SIPA1: variants seen among roughly 807,000 people sequenced by gnomAD.
SIPA1 encodes signal-induced proliferation-associated 1, also known as signal-induced proliferation-associated protein 1.
Under a neutral mutation model 88.1 loss-of-function variants are expected in SIPA1, and 51 were observed. The observed-to-expected ratio is 0.58, with a 90% CI of 0.46 to 0.73. The LOEUF (loss-of-function observed/expected upper bound fraction) is 0.73. Among genes scored for constraint, SIPA1 ranks in the 30% least tolerant of loss-of-function variants. SIPA1 has a pLI of 0.00. For missense variants in SIPA1, 1,348 were observed against 1,467.6 expected, an observed-to-expected ratio of 0.92 and a Z score of 1.33; for synonymous variants, 681 against 664.8, an observed-to-expected ratio of 1.02 and a Z score of -0.37.
In SIPA1 at chr11:65,650,164, C is replaced by G. The variant is rs146247529; in HGVS notation, c.2875C>G (p.Pro959Ala). The G allele has an allele frequency of 6.2e-7, 1 of 1,613,936 alleles. No homozygotes were observed. The highest frequency in any genetic ancestry group is 1.3e-5 in the African/African-American group (1 of 74,872). Residue 959 changes from proline (P) to alanine (A), a missense_variant, in exon 14 of 16, where the codon CCT (proline) becomes GCT (alanine). Around this residue, in one of 4 missense-constraint regions of SIPA1, gnomAD observed 615 missense variants for 559.8 expected, o/e 1.10. Transcript: ENST00000534313. ...ACAGCCCATCCCAGAGAGTGGAGAC[C>G]CTAAGGGAACTCCAAAATCTGATGC... The part of the protein sequence containing the change: ...EGQPIPESGD[P>A]KGTPKSDAEP...
intron 10 of SIPA1, 30 bp from the exon 11 acceptor site, chr11:65,649,531 C>T (rs1341596067): frequency 6.2e-7 from 1 of 1,614,040 alleles, no homozygotes; most frequent in Non-Finnish European, 8.5e-7. Context: ...AAAGCGGCTT[C>T]CCTTTCTGAG....
Position 65,647,018 on chromosome 11 carries a change from G to T in SIPA1, c.1984G>T (p.Asp662Tyr), listed in dbSNP as rs1477030567. ...CGGGGAGGCGATCACGCTGCGCTTC[G>T]ACGGGTCCCCCGGCCAAGCCGTGGG... is the stretch of plus-strand genomic sequence containing the variant. ...GRGEAITLRF[D>Y]GSPGQAVGEV... The change falls in exon 8 of 16, where the codon GAC becomes TAC. Residue 662 changes from aspartate to tyrosine, a missense_variant. By Grantham distance (160) the Asp-to-Tyr change is radical. Transcript: ENST00000534313. The T allele has an allele frequency of 6.5e-7, 1 of 1,540,734 alleles. No individual in the cohort carries two copies. Among genetic ancestry groups the T allele is most frequent in the South Asian group, 1.2e-5 (1 of 84,178 alleles).
rs764730970 is a variant in SIPA1, at chr11:65,649,981, G to A, written c.2778G>A (p.Glu926=). 4.3e-6 allele frequency: 7 copies of A among 1,613,952 alleles called. No individual in the cohort carries two copies. The South Asian group carries it at 4.4e-5, about 10-fold the overall frequency. ...CGGAGGCGGGCAGTGGGACCCTGGAGGACGAGTGGCAGGCCATCTCGGAGA... is the reference window on the plus strand; with the variant it reads ...CGGAGGCGGGCAGTGGGACCCTGGAAGACGAGTGGCAGGCCATCTCGGAGA... ...IMSEAGSGTL[E]DEWQAISEIA... The change falls in exon 13 of 16, where the codon GAG becomes GAA. Residue 926 remains glutamate (E), a synonymous_variant. Coordinates refer to ENST00000534313, the MANE Select transcript of SIPA1 (RefSeq NM_006747.4).
chr11:65,649,593 A>C lies in SIPA1; in HGVS notation c.2558A>C (p.Asn853Thr), dbSNP rs753050344. 112 of 1,613,782 alleles carry C rather than the reference A, an allele frequency of 6.9e-5. No homozygotes were observed. Among genetic ancestry groups the C allele is most frequent in the Middle Eastern group, 1.6e-4 (1 of 6,084 alleles). Residue 853 changes from asparagine (N) to threonine (T), a missense_variant, in exon 11 of 16, where the codon AAC becomes ACC. This residue lies in a region of SIPA1 where 615 missense variants were observed against 559.8 expected (regional missense o/e 1.10). Coordinates refer to ENST00000534313, the MANE Select transcript of SIPA1 (RefSeq NM_006747.4). Reference protein sequence around the residue: ...SLSDEAPVLPNTTPDLLLATT... With the variant: ...SLSDEAPVLPTTTPDLLLATT... ...TCGGATGAGGCCCCAGTCCTGCCCA[A>C]CACCACCCCGGACCTCCTCCTGGCC...
Position 65,647,674 on chromosome 11 carries a change from A to G in SIPA1, c.2306+16A>G. 1.5e-6 allele frequency: 2 copies of G among 1,334,236 alleles called. No homozygotes were observed. The highest frequency in any genetic ancestry group is 1.7e-5 in the South Asian group (1 of 58,024). 82.6% of individuals were successfully genotyped at this position (1,334,236 alleles called of 1,614,324 possible). A position where few individuals can be genotyped will look rare whatever the true frequency, so the allele number is the denominator to read the frequency against. The stretch of plus-strand genomic sequence containing the variant: ...GGCCCCGCAGGTCAGGGTGCCGGGG[A>G]CGCGGGGAGGTGGGAGGGCCGGCAG... On this transcript the variant is annotated intron_variant, in intron 9 of 15. Transcript: ENST00000534313.
Position 65,641,525 on chromosome 11 carries a change from A to C in SIPA1, c.604A>C (p.Asn202His), listed in dbSNP as rs1292779351. 1 of 1,612,466 alleles carries C rather than the reference A, an allele frequency of 6.2e-7. No individual in the cohort carries two copies. The part of the protein sequence containing the change: ...AAVSILEEPQ[N>H]RTSAYSLEHA... The stretch of plus-strand genomic sequence containing the variant: ...CGTGTCCATCCTGGAGGAGCCACAG[A>C]ACCGAACCTCGGCCTACAGCCTGGA... The change falls in exon 2 of 16, where the codon AAC (asparagine) becomes CAC (histidine). Residue 202 changes from asparagine (N) to histidine (H), a missense_variant. Coordinates refer to ENST00000534313, the MANE Select transcript of SIPA1 (RefSeq NM_006747.4).
chr11:65,646,353 C>T lies in SIPA1; in HGVS notation c.1396C>T (p.Pro466Ser). 2 of 1,612,682 alleles carry T rather than the reference C, an allele frequency of 1.2e-6. No homozygotes were observed. Among genetic ancestry groups the T allele is most frequent in the Non-Finnish European group, 1.7e-6 (2 of 1,179,986 alleles). Residue 466 changes from proline (P) to serine (S), a missense_variant, in exon 7 of 16, where the codon CCC becomes TCC. Pro to Ser is a moderately conservative substitution (Grantham distance 74, BLOSUM62 -1). This residue lies in a region of SIPA1 where 641 missense variants were observed against 797.7 expected (regional missense o/e 0.80). Transcript: ENST00000534313. This position sits in a 1 kb window ranked among gnomAD's most constrained non-coding sequence, Gnocchi z 7.5. Reference sequence around the variant, plus strand: ...GTTCCTAGTGGTGCGGGCACACACACCCTGCACGCCACACACCACCTACAG... The same window carrying T: ...GTTCCTAGTGGTGCGGGCACACACATCCTGCACGCCACACACCACCTACAG... ...HVFLVVRAHT[P>S]CTPHTTYRVA...
At position 65,642,190 on chromosome 11, in the gene SIPA1, G is replaced by T; in HGVS notation, c.680-60G>T. 2 of 1,531,690 alleles carry T rather than the reference G, an allele frequency of 1.3e-6. No homozygotes were observed. Among genetic ancestry groups the T allele is most frequent in the Non-Finnish European group, 1.8e-6 (2 of 1,141,610 alleles). The allele number at this position is 1,531,690 out of a possible 1,614,324, so 94.9% of individuals were successfully genotyped here. A position where few individuals can be genotyped will look rare whatever the true frequency, so the allele number is the denominator to read the frequency against. On this transcript the variant is annotated intron_variant, in intron 2 of 15. Transcript: ENST00000534313. This position sits in a 1 kb window ranked among gnomAD's most constrained non-coding sequence, Gnocchi z 6.5. ...GCGGGGCTTAGTGATGCGCGTGGTCGAGCGGGGGCGGGGCTGCCAGAGGGC... is the reference window on the plus strand; with the variant it reads ...GCGGGGCTTAGTGATGCGCGTGGTCTAGCGGGGGCGGGGCTGCCAGAGGGC...
intron 1 of SIPA1, among the ~76,000 whole-genome samples, chr11:65,638,959 T>TG: frequency 6.6e-6 from 1 of 152,176 alleles, no homozygotes; most frequent in Non-Finnish European, 1.5e-5. Flanking sequence ...TCACACACTA[T>TG]AGCCCAGGCC....
rs755377382 is a variant in SIPA1 at position 65,650,707 on chromosome 11, C to T, written c.3121C>T (p.Leu1041=). ...SKQLGSPTAD[L]A ...GCAGCTGGGCTCACCCACCGCCGAC[C>T]TGGCCTGAGCCGTCTGGAACCACCT... Residue 1041 remains leucine (L), a synonymous_variant, in exon 16 of 16, where the codon CTG becomes TTG. Coordinates refer to ENST00000534313, the MANE Select transcript of SIPA1 (RefSeq NM_006747.4). The T allele has an allele frequency of 9.5e-6, 15 of 1,575,110 alleles. No individual in the cohort carries two copies. The highest frequency in any genetic ancestry group is 1.1e-5 in the Non-Finnish European group (13 of 1,160,304).
At position 65,640,736 on chromosome 11, in the gene SIPA1, G is replaced by A. The variant is rs1475713418; in HGVS notation, c.-91-95G>A. The A allele has an allele frequency of 3.2e-5, 17 of 525,736 alleles. No homozygotes were observed. In the South Asian group the frequency reaches 4.1e-4, roughly 13 times the overall value. The allele number at this position is 525,736 out of a possible 1,614,324, so 32.6% of individuals were successfully genotyped here. On this transcript the variant is annotated intron_variant, in intron 1 of 15. Transcript: ENST00000534313. The stretch of plus-strand genomic sequence containing the variant: ...AAGCAGCTTTGATGGTCTCGGAGGG[G>A]GCCGGAAGCCAACACGGGTGGTGGA...
Position 65,646,355 on chromosome 11 carries a change from C to T in SIPA1, c.1398C>T (p.Pro466=). The change falls in exon 7 of 16, where the codon CCC becomes CCT. Residue 466 remains proline (P), a synonymous_variant. Transcript: ENST00000534313. This position sits in a 1 kb window ranked among gnomAD's most constrained non-coding sequence, Gnocchi z 7.5. The part of the protein sequence containing the change: ...HVFLVVRAHT[P]CTPHTTYRVA... ...TCCTAGTGGTGCGGGCACACACACCCTGCACGCCACACACCACCTACAGGT... is the reference window on the plus strand; with the variant it reads ...TCCTAGTGGTGCGGGCACACACACCTTGCACGCCACACACCACCTACAGGT... 6.2e-7 allele frequency: 1 copy of T among 1,612,518 alleles called. No individual in the cohort carries two copies. The highest frequency in any genetic ancestry group is 2.2e-5 in the East Asian group (1 of 44,866).
chr11:65,639,765 G>T (rs925253629), intron 1 of SIPA1: 1 of 152,218 alleles, frequency 6.6e-6, no homozygotes, highest in Non-Finnish European at 1.5e-5. Flanking sequence ...CACTTAGCAG[G>T]TCCCTGGGGC....
Position 65,645,905 on chromosome 11 carries a change from T to A in SIPA1, c.1211T>A (p.Ile404Asn). ...TACACCACATACCAGGACCACGAGA[T>A]CATGTTCCACGTGTCCACGATGCTG... is the stretch of plus-strand genomic sequence containing the variant. Reference protein sequence around the residue: ...SLYTTYQDHEIMFHVSTMLPY... With the variant: ...SLYTTYQDHENMFHVSTMLPY... The change falls in exon 6 of 16, where the codon ATC (isoleucine) becomes AAC (asparagine). Residue 404 changes from isoleucine to asparagine, a missense_variant. Physicochemically the swap from Ile to Asn is moderately radical, Grantham distance 149. Around this residue, in one of 4 missense-constraint regions of SIPA1, gnomAD observed 641 missense variants for 797.7 expected, o/e 0.80. Transcript: ENST00000534313. 6.2e-7 allele frequency: 1 copy of A among 1,613,574 alleles called. No homozygotes were observed. Among genetic ancestry groups the A allele is most frequent in the Non-Finnish European group, 8.5e-7 (1 of 1,179,734 alleles).
intron 4 of SIPA1, among the ~76,000 whole-genome samples, chr11:65,644,684 G>A (rs1208542872): frequency 1.3e-5 from 2 of 151,948 alleles, no homozygotes; most frequent in Non-Finnish European, 2.9e-5. Context: ...AGATAAGGAG[G>A]ATGATAATGT....
rs1170611901 is a variant in SIPA1, at chr11:65,646,378, G to A, written c.1421G>A (p.Arg474Lys). The A allele has an allele frequency of 6.2e-7, 1 of 1,609,584 alleles. No individual in the cohort carries two copies. Among genetic ancestry groups the A allele is most frequent in the Non-Finnish European group, 8.5e-7 (1 of 1,179,888 alleles). The change falls in exon 7 of 16, where the codon AGG becomes AAG. Residue 474 changes from arginine to lysine, a missense_variant and splice_region_variant. Arg to Lys is a conservative substitution (Grantham distance 26). Coordinates refer to ENST00000534313, the MANE Select transcript of SIPA1 (RefSeq NM_006747.4). The surrounding 1 kb of genome is among the most constrained non-coding windows in gnomAD (Gnocchi z 7.5). ...CCCTGCACGCCACACACCACCTACA[G>A]GTGGGCACCGGAGTGGTCCCAGGTC... ...HTPCTPHTTYRVAVSRTQDTP... is the reference protein window; with the variant it reads ...HTPCTPHTTYKVAVSRTQDTP...
At chr11:65,644,547 C>G (rs534899967) in intron 4 of SIPA1, among the ~76,000 whole-genome samples, 2 of 151,834 alleles carry the variant, frequency 1.3e-5, no homozygotes, top group African/African-American at 4.8e-5. Flanking sequence ...ATCCAGTTAT[C>G]CGCAGAGGGA....
Position 65,649,759 on chromosome 11 carries a change from C to T in SIPA1, c.2640C>T (p.Asp880=), listed in dbSNP as rs772159562. 3.1e-5 allele frequency: 50 copies of T among 1,613,968 alleles called. No individual in the cohort carries two copies. Among genetic ancestry groups the T allele is most frequent in the Non-Finnish European group, 4.2e-5 (49 of 1,180,042 alleles). ...CTGTATCCACTTCTGTGGCACAGGACAGGCCAGGCAGTCCCAGTGGCTCTG... is the reference window on the plus strand; with the variant it reads ...CTGTATCCACTTCTGTGGCACAGGATAGGCCAGGCAGTCCCAGTGGCTCTG... ...SADSETPLTQ[D]RPGSPSGSED... Residue 880 remains aspartate, a splice_region_variant and synonymous_variant, in exon 12 of 16, where the codon GAC becomes GAT. Coordinates refer to ENST00000534313, the MANE Select transcript of SIPA1 (RefSeq NM_006747.4).
rs369872865 is a variant in SIPA1, at chr11:65,649,676, A to T, written c.2637+4A>T. The T allele has an allele frequency of 3.3e-5, 53 of 1,613,900 alleles. No homozygotes were observed. Among genetic ancestry groups the T allele is most frequent in the Non-Finnish European group, 4.3e-5 (51 of 1,180,032 alleles). ...CAGTGAGACACCCCTGACCCAGGTG[A>T]GCAGAAACCAGGCTCTGGAGCCCAA... On this transcript the variant is annotated splice_donor_region_variant and intron_variant, in intron 11 of 15. Transcript: ENST00000534313.
Sources: allele counts gnomAD v4.1 joint callset (sites outside exome capture counted in the v4.1 genomes callset), GRCh38; gene constraint gnomAD v4.1.1; regional missense constraint gnomAD v4.1.1; non-coding constraint Gnocchi (gnomAD v3.1); transcripts MANE v1.5; gene names NCBI Gene and HGNC (gene_info 2026-07-23, HGNC 2026-07-21).